ARPP21: variants seen among roughly 807,000 people sequenced by gnomAD.
ARPP21 encodes cAMP-regulated phosphoprotein 21.
Under a neutral mutation model 113.2 loss-of-function variants are expected in ARPP21, and 69 were observed. The ratio of observed to expected loss-of-function variants is 0.61; its 90% confidence interval spans 0.50 to 0.74. The LOEUF is 0.74. Ranked by LOEUF, ARPP21 falls within the 30% of genes least tolerant of loss-of-function variation. The pLI is 0.00. For missense variants in ARPP21, 1,070 were observed against 1,037.4 expected (o/e 1.03, Z -0.43); for synonymous variants, 368 against 375.5 (o/e 0.98, Z 0.23).
chr3:35,687,332 T>C (rs2080914566), intron 5 of ARPP21, among the ~76,000 whole-genome samples: 1 of 151,206 alleles, frequency 6.6e-6, no homozygotes. Flanking sequence ...TTTGTGCCAA[T>C]TTCCCCTTAT....
chr3:35,667,354 A>G (rs1487044653), intron 1 of ARPP21, among the ~76,000 whole-genome samples: 1 of 152,202 alleles, frequency 6.6e-6, no homozygotes, highest in East Asian at 1.9e-4. Flanking sequence ...TTTAAGAATG[A>G]AACCACAGTC....
At chr3:35,659,748 C>T (rs765855479) in intron 1 of ARPP21, among the ~76,000 whole-genome samples, 22 of 152,164 alleles carry the variant, frequency 1.4e-4, no homozygotes, top group Non-Finnish European at 1.8e-4. Context: ...AGCAGTAATT[C>T]ATCACATGTT....
intron 19 of ARPP21, among the ~76,000 whole-genome samples, chr3:35,782,134 T>C (rs1016859359): frequency 6.6e-6 from 1 of 152,200 alleles, no homozygotes; most frequent in Admixed American, 6.5e-5. Flanking sequence ...TGCTCAAATA[T>C]GTATCCATGG....
At chr3:35,673,350 C>A (rs1459729264) in intron 1 of ARPP21, among the ~76,000 whole-genome samples, 1 of 151,912 alleles carries the variant, frequency 6.6e-6, no homozygotes, top group African/African-American at 2.4e-5. Flanking sequence ...AGGACTTGCC[C>A]CCTTTCATTC....
chr3:35,757,065 A>G (rs1357303374), intron 19 of ARPP21, among the ~76,000 whole-genome samples: 1 of 134,364 alleles, frequency 7.4e-6, no homozygotes, highest in Non-Finnish European at 1.6e-5. Context: ...AGTGCCTTTT[A>G]GTGATTTTTT....
chr3:35,757,700 A>G lies in ARPP21; in HGVS notation c.2137+13735A>G, dbSNP rs2095623052. 4.6e-5 allele frequency among the ~76,000 whole-genome samples: 7 copies of G among 152,280 alleles called. No individual in the cohort carries two copies. The South Asian group carries it at 1.4e-3, about 32-fold the overall frequency. On this transcript the variant is annotated intron_variant, in intron 19 of 20. Transcript: ENST00000684406. Reference sequence around the variant, plus strand: ...GACCTCAAAACTTTATGCTAACACAACAATGAATTTTTAGTTTTGACTCTT... The same window carrying G: ...GACCTCAAAACTTTATGCTAACACAGCAATGAATTTTTAGTTTTGACTCTT...
At chr3:35,746,635 C>T (rs1387667490) in intron 19 of ARPP21, among the ~76,000 whole-genome samples, 2 of 152,190 alleles carry the variant, frequency 1.3e-5, no homozygotes, top group Non-Finnish European at 2.9e-5. Context: ...CTGATAATGA[C>T]ACCAGATTAT....
At chr3:35,703,534 A>G (rs1218080293) in intron 9 of ARPP21, among the ~76,000 whole-genome samples, 3 of 151,962 alleles carry the variant, frequency 2.0e-5, no homozygotes, top group Non-Finnish European at 4.4e-5. Flanking sequence ...TACCTTCAGA[A>G]GAAGAAAGTA....
intron 19 of ARPP21, among the ~76,000 whole-genome samples, chr3:35,754,372 T>A (rs1576656469): frequency 6.6e-6 from 1 of 152,074 alleles, no homozygotes; most frequent in South Asian, 2.1e-4. Flanking sequence ...TGCATTATTA[T>A]ATTTCCAAAA....
At chr3:35,680,737 T>C (rs537859163) in intron 2 of ARPP21, 1 of 152,068 alleles carries the variant, frequency 6.6e-6, no homozygotes, top group East Asian at 1.9e-4. Flanking sequence ...TTCTTTCTTT[T>C]TACTTTCTTC....
intron 9 of ARPP21, among the ~76,000 whole-genome samples, chr3:35,700,484 G>A (rs2085936310): frequency 6.6e-6 from 1 of 151,010 alleles, no homozygotes; most frequent in Non-Finnish European, 1.5e-5. Context: ...TGTTCTTATA[G>A]CACTGAAATT....
intron 14 of ARPP21, among the ~76,000 whole-genome samples, chr3:35,724,463 A>G (rs1343101226): frequency 6.6e-6 from 1 of 152,112 alleles, no homozygotes; most frequent in Non-Finnish European, 1.5e-5. Flanking sequence ...CATCAGAATC[A>G]CCCAAAGGAC....
intron 19 of ARPP21, among the ~76,000 whole-genome samples, chr3:35,773,717 C>A (rs910597108): frequency 6.6e-6 from 1 of 152,114 alleles, no homozygotes. Flanking sequence ...ATCATGTAAG[C>A]TTTCCAAGGG....
intron 19 of ARPP21, among the ~76,000 whole-genome samples, chr3:35,768,837 A>G: frequency 6.6e-6 from 1 of 152,180 alleles, no homozygotes; most frequent in East Asian, 1.9e-4. Context: ...AGTATCCTTT[A>G]AACACTAGAA....
chr3:35,737,389 A>C, intron 16 of ARPP21, 27 bp downstream of exon 16: 1 of 1,551,374 alleles, frequency 6.4e-7, no homozygotes, highest in Non-Finnish European at 8.8e-7. Flanking sequence ...AAGGCAGGGA[A>C]GGGAAGTACC....
chr3:35,781,824 T>C (rs1287331760), intron 19 of ARPP21, among the ~76,000 whole-genome samples: 2 of 152,130 alleles, frequency 1.3e-5, no homozygotes, highest in South Asian at 4.1e-4. Context: ...CTAACTATAA[T>C]GAAAACTTTA....
intron 12 of ARPP21, 180 bp downstream of exon 12, chr3:35,715,656 G>GA (rs142407814): frequency 3.3e-5 from 14 of 427,662 alleles, no homozygotes; most frequent in East Asian, 3.7e-5. Context: ...ATCTAATTTG[G>GA]AAAAAAAATT....
chr3:35,706,239 A>G (rs1343140408), intron 9 of ARPP21, among the ~76,000 whole-genome samples: 2 of 152,216 alleles, frequency 1.3e-5, no homozygotes, highest in East Asian at 3.8e-4. Flanking sequence ...CAACTGTGAG[A>G]AATTAACAAG....
intron 1 of ARPP21, chr3:35,651,906 A>G (rs1242237045): frequency 6.6e-6 from 1 of 152,060 alleles, no homozygotes; most frequent in East Asian, 1.9e-4. Flanking sequence ...TCCGTTTTCA[A>G]CACAGCTATA....
Sources: gnomAD v4.1 joint callset for allele counts (sites outside exome capture counted in the v4.1 genomes callset) on GRCh38, gnomAD v4.1.1 for gene constraint, MANE v1.5 for transcripts, NCBI Gene and HGNC (gene_info 2026-07-23, HGNC 2026-07-21) for gene names.